THRAP3: variants seen among roughly 807,000 people sequenced by gnomAD.
The protein encoded by THRAP3 is thyroid hormone receptor-associated protein 3.
In THRAP3, 16 loss-of-function variants were observed where a neutral mutation model predicts 101.0. The ratio of observed to expected loss-of-function variants is 0.16; its 90% CI spans 0.11 to 0.24. The LOEUF is 0.24. THRAP3 is among the 10% of genes least tolerant of loss of function. The pLI is 1.00. For synonymous variants in THRAP3, 407 were observed against 422.6 expected, an observed-to-expected ratio of 0.96 and a Z score of 0.45; for missense variants, 989 against 1,202.7, an observed-to-expected ratio of 0.82 and a Z score of 2.63.
intron 11 of THRAP3, among the ~76,000 whole-genome samples, chr1:36,302,772 A>C (rs530414804): frequency 2.9e-4 from 44 of 152,238 alleles, no homozygotes; most frequent in Non-Finnish European, 3.5e-4. Flanking sequence ...GTTTGATTGG[A>C]TCCCTCCTTC....
intron 1 of THRAP3, among the ~76,000 whole-genome samples, chr1:36,245,167 CTT>C (rs765561233): frequency 1.5e-4 from 20 of 136,602 alleles, no homozygotes; most frequent in Non-Finnish European, 1.6e-4. Context: ...CCATCCCAAT[CTT>C]TTTTTTTTTT....
chr1:36,302,173 C>T (rs1361097356), intron 11 of THRAP3, among the ~76,000 whole-genome samples: 1 of 152,222 alleles, frequency 6.6e-6, no homozygotes, highest in Non-Finnish European at 1.5e-5. Flanking sequence ...CATTCCTGTG[C>T]ACTCTGGGCC....
At chr1:36,221,186 CA>C (rs769615426), upstream of THRAP3, among the ~76,000 whole-genome samples, 1,583 of 45,328 alleles carry the variant, frequency 0.035, 10 homozygotes, top group African/African-American at 0.071. Context: ...GACCCTATCT[CA>C]AAAAAAAAAA....
At chr1:36,215,238 CA>C in the THRAP3 span, among the ~76,000 whole-genome samples, 1 of 151,888 alleles carries the variant, frequency 6.6e-6, no homozygotes, top group South Asian at 2.1e-4. Flanking sequence ...AAAAACAAAA[CA>C]AAAAAAACCT....
intron 2 of THRAP3, among the ~76,000 whole-genome samples, chr1:36,269,825 C>T (rs1645565577): frequency 6.6e-6 from 1 of 152,040 alleles, no homozygotes; most frequent in African/African-American, 2.4e-5. Flanking sequence ...CAGTCCTACC[C>T]CTCAACCTCC....
Position 36,243,693 on chromosome 1 carries a change from G to A in THRAP3, c.-134-15689G>A, listed in dbSNP as rs1047479738. 3.9e-5 allele frequency among the ~76,000 whole-genome samples: 6 copies of A among 152,264 alleles called. No homozygotes were observed. In the East Asian group the frequency reaches 7.7e-4, roughly 20 times the overall value. ...AAAACCGCCATTGTCATCATGGCCCGTTCTCAATGAGCCGCTGGGCACACC... is the reference window on the plus strand; with the variant it reads ...AAAACCGCCATTGTCATCATGGCCCATTCTCAATGAGCCGCTGGGCACACC... On this transcript the variant is annotated intron_variant, in intron 1 of 11. Coordinates refer to ENST00000354618, the MANE Select transcript of THRAP3 (RefSeq NM_005119.4).
chr1:36,266,794 A>G (rs975208013), intron 2 of THRAP3, among the ~76,000 whole-genome samples: 1 of 152,208 alleles, frequency 6.6e-6, no homozygotes, highest in Non-Finnish European at 1.5e-5. Context: ...TGGACAGTTG[A>G]TACCTATTTT....
In THRAP3 at chr1:36,304,675, A is replaced by G. The variant is rs1301015494; in HGVS notation, c.*658A>G. 5 of 218,272 alleles carry G rather than the reference A, an allele frequency of 2.3e-5. No individual in the cohort carries two copies. The highest frequency in any genetic ancestry group is 3.7e-5 in the Non-Finnish European group (4 of 108,374). 13.5% of individuals were successfully genotyped at this position (218,272 alleles called of 1,614,324 possible). ...TTGTGTTCCCCTTTTCTGCGCAGCCATGTATCACGTGGAGTTGCTCCTTAC... is the reference window on the plus strand; with the variant it reads ...TTGTGTTCCCCTTTTCTGCGCAGCCGTGTATCACGTGGAGTTGCTCCTTAC... On this transcript the variant is annotated 3_prime_UTR_variant, in exon 12 of 12. Transcript: ENST00000354618.
the THRAP3 span, among the ~76,000 whole-genome samples, chr1:36,208,966 C>CTTTTTT: frequency 1.9e-5 from 1 of 51,880 alleles, no homozygotes; most frequent in Non-Finnish European, 3.7e-5. Context: ...CATGTCCAGC[C>CTTTTTT]TTTTTTTTTT....
chr1:36,214,018 GAA>G, the THRAP3 span, among the ~76,000 whole-genome samples: 2 of 103,064 alleles, frequency 1.9e-5, no homozygotes, highest in South Asian at 5.7e-4. Flanking sequence ...AAGAAAGAAA[GAA>G]AGAAAGAAAG....
the THRAP3 span, among the ~76,000 whole-genome samples, chr1:36,211,766 A>G: frequency 6.6e-6 from 1 of 152,150 alleles, no homozygotes; most frequent in Non-Finnish European, 1.5e-5. Flanking sequence ...GAAAGCAGAG[A>G]TGGAGGTGAC....
rs149610949 is a variant in THRAP3 at position 36,301,560 on chromosome 1, G to A, written c.2510G>A (p.Arg837Gln). 7.4e-6 allele frequency: 12 copies of A among 1,612,634 alleles called. No homozygotes were observed. The African/African-American group carries it at 1.3e-4, about 18-fold the overall frequency. The change falls in exon 11 of 12, where the codon CGA becomes CAA. Residue 837 changes from arginine to glutamine, a missense_variant. Arg to Gln is a conservative substitution (Grantham distance 43). Coordinates refer to ENST00000354618, the MANE Select transcript of THRAP3 (RefSeq NM_005119.4). ...GGRARGTFQFRARGRGWGRGN... is the reference protein window; with the variant it reads ...GGRARGTFQFQARGRGWGRGN... Reference sequence around the variant, plus strand: ...CCTCATTTATTGCAATAGCAGTTTCGAGCCAGAGGAAGAGGCTGGGGCAGA... The same window carrying A: ...CCTCATTTATTGCAATAGCAGTTTCAAGCCAGAGGAAGAGGCTGGGGCAGA...
At chr1:36,220,613 C>T (rs1465908419), upstream of THRAP3, among the ~76,000 whole-genome samples, 2 of 151,986 alleles carry the variant, frequency 1.3e-5, no homozygotes, top group Admixed American at 6.6e-5. Context: ...AAACCCAGTG[C>T]AGGAAAATCA....
chr1:36,269,069 T>G (rs1258059262), intron 2 of THRAP3, among the ~76,000 whole-genome samples: 1 of 135,190 alleles, frequency 7.4e-6, no homozygotes, highest in Non-Finnish European at 1.7e-5. Flanking sequence ...CAGAATTGGG[T>G]ATTTTGTCTT....
chr1:36,240,120 C>T (rs910441569), intron 1 of THRAP3, among the ~76,000 whole-genome samples: 2 of 152,042 alleles, frequency 1.3e-5, no homozygotes, highest in African/African-American at 4.8e-5. Flanking sequence ...AGGGACAGAA[C>T]CAAAGGGTAT....
chr1:36,292,489 C>T (rs768291879), intron 6 of THRAP3, 109 bp from the exon 7 acceptor site: 107 of 716,556 alleles, frequency 1.5e-4, no homozygotes, highest in Non-Finnish European at 2.3e-4. Flanking sequence ...CCAGGATGGT[C>T]TCGATCTCTT....
chr1:36,220,456 A>G (rs1644896204), upstream of THRAP3, among the ~76,000 whole-genome samples: 1 of 152,144 alleles, frequency 6.6e-6, no homozygotes, highest in Admixed American at 6.5e-5. Flanking sequence ...TGGACTGATT[A>G]CTTGAGGTCA....
rs1645840391 is a variant in THRAP3 at position 36,289,656 on chromosome 1, A to G, written c.1637A>G (p.Asp546Gly). ...PPPRKTSESRDKLGAKGDFPT... is the reference protein window; with the variant it reads ...PPPRKTSESRGKLGAKGDFPT... The stretch of plus-strand genomic sequence containing the variant: ...CCAAGAAAGACCTCTGAGAGCCGAG[A>G]CAAGCTGGGAGCGAAAGGAGATTTT... Residue 546 changes from aspartate to glycine, a missense_variant, in exon 5 of 12, where the codon GAC becomes GGC. Asp to Gly is a moderately conservative substitution (Grantham distance 94). Transcript: ENST00000354618. 3 of 1,614,216 alleles carry G rather than the reference A, an allele frequency of 1.9e-6. No individual in the cohort carries two copies. In the East Asian group the frequency reaches 6.7e-5, roughly 36 times the overall value.
intron 11 of THRAP3, 150 bp from the exon 12 acceptor site, chr1:36,303,646 G>C (rs1247477214): frequency 2.5e-6 from 3 of 1,198,718 alleles, no homozygotes; most frequent in South Asian, 1.5e-5. Flanking sequence ...TTTTTGGAGT[G>C]GGGGACAGGG....
Sources: gnomAD v4.1 joint callset for allele counts (sites outside exome capture counted in the v4.1 genomes callset) on GRCh38, gnomAD v4.1.1 for gene constraint, MANE v1.5 for transcripts, NCBI Gene and HGNC (gene_info 2026-07-23, HGNC 2026-07-21) for gene names.